Variants in DMD observed in about 807,000 individuals in gnomAD.
DMD encodes the protein dystrophin, also known as mutant dystrophin.
Under a neutral mutation model 330.1 loss-of-function variants are expected in DMD, and 63 were observed. The ratio of observed to expected loss-of-function variants is 0.19; its 90% CI spans 0.16 to 0.24. The LOEUF (loss-of-function observed/expected upper bound fraction) is 0.24. Ranked by LOEUF, DMD falls within the 10% of genes least tolerant of loss-of-function variation. The pLI, the probability that DMD is intolerant of heterozygous loss-of-function variation, is 1.00. For missense variants in DMD, 3,344 were observed against 2,684.1 expected (o/e 1.25, Z -5.43); for synonymous variants, 1,223 against 959.8 (o/e 1.27, Z -5.07).
At chrX:33,179,260 ATTT>A (rs2049835377) in intron 1 of DMD, among the ~76,000 whole-genome samples, 1 of 112,025 alleles carries the variant, frequency 8.9e-6, no homozygotes, top group East Asian at 2.8e-4. Flanking sequence ...TAAACGAGGG[ATTT>A]AATGTAACTA....
chrX:32,828,581 C>CTATACACATATATACATATG (rs2078918659), intron 4 of DMD, among the ~76,000 whole-genome samples: 1 of 103,708 alleles, frequency 9.6e-6, no homozygotes, highest in African/African-American at 3.9e-5. Context: ...ACATATATAT[C>CTATACACATATATACATATG]TATACATCTA....
At chrX:31,915,941 T>A in intron 47 of DMD, among the ~76,000 whole-genome samples, 1 of 112,049 alleles carries the variant, frequency 8.9e-6, no homozygotes, top group East Asian at 2.8e-4. Flanking sequence ...TCAGGAGTTG[T>A]AACCTATTTC....
intron 55 of DMD, among the ~76,000 whole-genome samples, chrX:31,587,756 T>A: frequency 9.0e-6 from 1 of 111,310 alleles, no homozygotes; most frequent in South Asian, 3.8e-4. Context: ...TGGACCTCTC[T>A]CCCCCCGTAC....
chrX:31,911,579 A>C (rs1200167035), intron 47 of DMD, among the ~76,000 whole-genome samples: 1 of 111,574 alleles, frequency 9.0e-6, no homozygotes, highest in Non-Finnish European at 1.9e-5. Flanking sequence ...GATGTTAGAC[A>C]AAAAGCAAAT....
chrX:33,083,656 G>C (rs1369139260), intron 1 of DMD, among the ~76,000 whole-genome samples: 1 of 111,462 alleles, frequency 9.0e-6, no homozygotes. Context: ...AAGACAAGAG[G>C]GACAGAAGGC....
chrX:33,072,863 C>T (rs770481943), intron 1 of DMD, among the ~76,000 whole-genome samples: 24 of 111,740 alleles, frequency 2.1e-4, no homozygotes, highest in African/African-American at 7.8e-4. Flanking sequence ...TAATTTCCAT[C>T]ATGCTATGTC....
intron 7 of DMD, among the ~76,000 whole-genome samples, chrX:32,730,656 G>C (rs912608642): frequency 1.8e-5 from 2 of 112,061 alleles, no homozygotes; most frequent in Non-Finnish European, 3.8e-5. Context: ...AAAAATATTA[G>C]TAACTACTGA....
At chrX:31,762,281 A>C (rs749677059) in intron 51 of DMD, among the ~76,000 whole-genome samples, 1 of 111,587 alleles carries the variant, frequency 9.0e-6, no homozygotes, top group African/African-American at 3.3e-5. Context: ...CCACAGGAAA[A>C]AAAGTCTTGC....
rs187034690 is a variant in DMD, at chrX:32,575,868, T to C, written c.1603-2022A>G. ...GACAAACTCAAGCTATAGCATCATA[T>C]TCATAAACAAAAAAGACTTTCAAGT... On this transcript the variant is annotated intron_variant, in intron 13 of 78. Transcript: ENST00000357033. Among the ~76,000 whole-genome samples the C allele has an allele frequency of 3.6e-5, 4 of 111,967 alleles. No homozygotes were observed. The East Asian group carries it at 1.1e-3, about 31-fold the overall frequency.
At chrX:32,412,726 T>C (rs1043467393) in intron 29 of DMD, among the ~76,000 whole-genome samples, 1 of 111,636 alleles carries the variant, frequency 9.0e-6, no homozygotes, top group Non-Finnish European at 1.9e-5. Flanking sequence ...TGGGAATTCA[T>C]TATGTGTCAT....
At chrX:31,364,619 C>G (rs892705260) in intron 60 of DMD, among the ~76,000 whole-genome samples, 1 of 112,291 alleles carries the variant, frequency 8.9e-6, no homozygotes, top group Non-Finnish European at 1.9e-5. Context: ...ATCACAATAA[C>G]TATTCAGAGC....
At chrX:33,192,179 T>A (rs1049609089) in intron 1 of DMD, among the ~76,000 whole-genome samples, 2 of 112,022 alleles carry the variant, frequency 1.8e-5, no homozygotes, top group African/African-American at 3.2e-5. Flanking sequence ...CACTTCACCT[T>A]CTTTGGCCTT....
At chrX:31,647,730 T>C (rs1018667571) in intron 54 of DMD, among the ~76,000 whole-genome samples, 2 of 112,286 alleles carry the variant, frequency 1.8e-5, no homozygotes, top group Non-Finnish European at 3.8e-5. Context: ...ACAAAGGTGA[T>C]TGAATTTGGT....
chrX:31,283,033 T>C (rs933052349), intron 62 of DMD, among the ~76,000 whole-genome samples: 9 of 111,642 alleles, frequency 8.1e-5, no homozygotes, highest in Admixed American at 1.9e-4. Context: ...TTTTTCAACT[T>C]TTCAAACTGA....
chrX:32,813,126 T>A (rs1247153237), intron 6 of DMD, among the ~76,000 whole-genome samples: 1 of 112,016 alleles, frequency 8.9e-6, no homozygotes, highest in Non-Finnish European at 1.9e-5. Context: ...TATAATTTAT[T>A]TGAGCTTTGG....
At chrX:31,791,382 G>T (rs2091563086) in intron 50 of DMD, among the ~76,000 whole-genome samples, 1 of 111,963 alleles carries the variant, frequency 8.9e-6, no homozygotes, top group Non-Finnish European at 1.9e-5. Flanking sequence ...TGCACAGTCA[G>T]AACTAGTGTG....
intron 3 of DMD, among the ~76,000 whole-genome samples, chrX:32,847,198 C>A (rs1352721967): frequency 9.0e-6 from 1 of 111,508 alleles, no homozygotes; most frequent in Non-Finnish European, 1.9e-5. Flanking sequence ...TATATAGTCA[C>A]AAGATTTAGC....
chrX:32,806,732 A>G (rs930423671), intron 7 of DMD, among the ~76,000 whole-genome samples: 5 of 111,834 alleles, frequency 4.5e-5, no homozygotes, highest in Non-Finnish European at 3.8e-5. Flanking sequence ...AATGAAAATC[A>G]TAACAACCAA....
At chrX:31,555,177 G>A (rs758659391) in intron 55 of DMD, among the ~76,000 whole-genome samples, 2 of 111,809 alleles carry the variant, frequency 1.8e-5, no homozygotes, top group African/African-American at 3.3e-5. Context: ...GGGCAGTGGC[G>A]CTAATTGTAG....
Sources: allele counts gnomAD v4.1 joint callset (sites outside exome capture counted in the v4.1 genomes callset), GRCh38; gene constraint gnomAD v4.1.1; transcripts MANE v1.5; gene names NCBI Gene and HGNC (gene_info 2026-07-23, HGNC 2026-07-21).